Variants in SHF observed in about 807,000 individuals in gnomAD.
SHF encodes the protein Src homology 2 domain containing F, also known as SH2 domain-containing adapter protein F.
Under a neutral mutation model 42.4 loss-of-function variants are expected in SHF, and 30 were observed. The observed-to-expected ratio is 0.71, with a 90% CI of 0.53 to 0.96. The LOEUF is 0.96. SHF is among the 40% of genes least tolerant of loss of function. The pLI is 0.00. For missense variants in SHF, 598 were observed against 634.0 expected (o/e 0.94, Z 0.61); for synonymous variants, 264 against 269.9 (o/e 0.98, Z 0.21).
At chr15:45,171,450 C>T (rs758192087) in intron 6 of SHF, 11 of 182,658 alleles carry the variant, frequency 6.0e-5, no homozygotes, top group Admixed American at 1.6e-4. Flanking sequence ...GACTCCCTCA[C>T]GCAAAGCTCC....
At chr15:45,182,832 A>G (rs1898199120) in intron 1 of SHF, among the ~76,000 whole-genome samples, 1 of 152,162 alleles carries the variant, frequency 6.6e-6, no homozygotes, top group South Asian at 2.1e-4. Context: ...TTTTATACCC[A>G]TTGTTCCTGC....
At chr15:45,194,334 C>G (rs988771478) in intron 2 of SHF, among the ~76,000 whole-genome samples, 1 of 151,876 alleles carries the variant, frequency 6.6e-6, no homozygotes. Flanking sequence ...TTTCAAGAGG[C>G]TCCTGTGTCC....
rs1324211948 is a variant in SHF at position 45,173,728 on chromosome 15, A to G, written c.848-12T>C. On this transcript the variant is annotated splice_polypyrimidine_tract_variant and intron_variant, in intron 3 of 6. Coordinates refer to ENST00000690270, the MANE Select transcript of SHF (RefSeq NM_001394037.1). ...GACCTTAATGTCAACTGGAGCCAGC[A>G]GCAGAAGTGAGAAGAGAGACAGACA... is the stretch of plus-strand genomic sequence containing the variant. 24 of 1,551,724 alleles carry G rather than the reference A, an allele frequency of 1.5e-5. No individual in the cohort carries two copies. In the South Asian group the frequency reaches 2.9e-4, roughly 18 times the overall value.
intron 2 of SHF, among the ~76,000 whole-genome samples, chr15:45,197,360 CAT>C (rs2141454817): frequency 6.6e-6 from 1 of 151,526 alleles, no homozygotes; most frequent in East Asian, 1.9e-4. Flanking sequence ...GGAACACAAA[CAT>C]ATGTTAAGAT....
chr15:45,178,135 G>T, intron 2 of SHF, 30 bp downstream of exon 2: 1 of 1,604,956 alleles, frequency 6.2e-7, no homozygotes, highest in Non-Finnish European at 8.5e-7. Context: ...CCAGGCCTCA[G>T]GGAGCACCTC....
At chr15:45,190,477 C>T (rs16940351), upstream of SHF, among the ~76,000 whole-genome samples, 15,971 of 151,948 alleles carry the variant, frequency 0.11, 872 homozygotes, top group Middle Eastern at 0.22. Flanking sequence ...CTGGAAAGGG[C>T]GTGATAATCA....
intron 4 of SHF, among the ~76,000 whole-genome samples, 179 bp from the exon 5 acceptor site, chr15:45,172,497 A>G (rs879471001): frequency 1.4e-4 from 22 of 152,160 alleles, no homozygotes; most frequent in Admixed American, 2.6e-4. Flanking sequence ...TCCTGGATCT[A>G]TCCCCTGGTG....
At chr15:45,188,974 C>T (rs535192249), upstream of SHF, among the ~76,000 whole-genome samples, 1 of 152,150 alleles carries the variant, frequency 6.6e-6, no homozygotes, top group Admixed American at 6.5e-5. Context: ...GGGAGGATCA[C>T]GAGGTCAGGA....
In SHF at chr15:45,171,896, A is replaced by G; in HGVS notation, c.1267T>C (p.Ser423Pro). The G allele has an allele frequency of 6.2e-7, 1 of 1,613,276 alleles. No homozygotes were observed. The highest frequency in any genetic ancestry group is 1.3e-5 in the African/African-American group (1 of 74,976). The change falls in exon 6 of 7, where the codon TCC (serine) becomes CCC (proline). Residue 423 changes from serine to proline, a missense_variant. Ser to Pro is a moderately conservative substitution (Grantham distance 74, BLOSUM62 -1). This residue lies in a region of SHF where 439 missense variants were observed against 524.6 expected (regional missense o/e 0.84). Transcript: ENST00000690270. ...GTCCCCACTCACTTGAGGGAGAGGG[A>G]GAAGTCATTCTTGCTGGTCTCACTG... ...RNSETSKNDF[S>P]LSLKSSQGFM...
Position 45,187,503 on chromosome 15 carries a change from G to GCCGGGGGCC in SHF, c.440_448dup (p.Gly147_Pro149dup). The GCCGGGGGCC allele has an allele frequency of 8.1e-7, 1 of 1,232,522 alleles. No homozygotes were observed. The highest frequency in any genetic ancestry group is 1.0e-6 in the Non-Finnish European group (1 of 988,112). 76.3% of individuals were successfully genotyped at this position (1,232,522 alleles called of 1,614,324 possible). On this transcript the variant is annotated inframe_insertion, in exon 1 of 7. Coordinates refer to ENST00000690270, the MANE Select transcript of SHF (RefSeq NM_001394037.1). ...GGAGATCCGCTCATCAGCAGGCGGC[G>GCCGGGGGCC]CCGGGGGCCCCGGGGTCTCGACCCG... is the stretch of plus-strand genomic sequence containing the variant.
intron 1 of SHF, among the ~76,000 whole-genome samples, chr15:45,187,246 G>A (rs1205450461): frequency 6.6e-6 from 1 of 152,218 alleles, no homozygotes; most frequent in Non-Finnish European, 1.5e-5. Context: ...AGGGCAGAGG[G>A]GCAGAGTTTG....
chr15:45,198,543 A>G, intron 2 of SHF: 2 of 519,098 alleles, frequency 3.9e-6, no homozygotes, highest in Non-Finnish European at 6.6e-6. Flanking sequence ...TACGATTTAT[A>G]TAAAATGTTA....
In SHF at chr15:45,198,696, A is replaced by G. The variant is rs140922044; in HGVS notation, c.303+76T>C. 541 of 1,521,884 alleles carry G rather than the reference A, an allele frequency of 3.6e-4. No homozygotes were observed. The African/African-American group carries it at 6.8e-3, about 19-fold the overall frequency. The allele number at this position is 1,521,884 out of a possible 1,614,324, so 94.3% of individuals were successfully genotyped here. ...TCACGGCGAGCTACCGGGGACCCGT[A>G]GGGGTTGGCTTCTGATTATCCTCTT... is the stretch of plus-strand genomic sequence containing the variant. On this transcript the variant is annotated intron_variant, in intron 2 of 7. Coordinates refer to the SHF transcript ENST00000290894.
upstream of SHF, among the ~76,000 whole-genome samples, chr15:45,189,541 A>C (rs945977294): frequency 6.6e-6 from 1 of 151,764 alleles, no homozygotes. Context: ...AGCGTGCGCC[A>C]CCACACCTGG....
At position 45,172,303 on chromosome 15, in the gene SHF, G is replaced by A. The variant is rs753066700; in HGVS notation, c.1004C>T (p.Pro335Leu). The change falls in exon 5 of 7, where the codon CCG becomes CTG. Residue 335 changes from proline (P) to leucine (L), a missense_variant. By Grantham distance (98) the Pro-to-Leu change is moderately conservative (BLOSUM62 -3). Coordinates refer to ENST00000690270, the MANE Select transcript of SHF (RefSeq NM_001394037.1). ...LEDSSAQFEG[P>L]EKSCLSPGRE... ...GCCAGGTGACAGGCAGCTCTTCTCCGGTCCTTCAAACTGGGCTGTGGGGAA... is the reference window on the plus strand; with the variant it reads ...GCCAGGTGACAGGCAGCTCTTCTCCAGTCCTTCAAACTGGGCTGTGGGGAA... 4.9e-5 allele frequency: 79 copies of A among 1,605,090 alleles called. 1 individual carries two copies. The South Asian group carries it at 5.4e-4, about 11-fold the overall frequency.
At chr15:45,180,729 C>G (rs983555839) in intron 1 of SHF, among the ~76,000 whole-genome samples, 1 of 152,094 alleles carries the variant, frequency 6.6e-6, no homozygotes, top group Admixed American at 6.5e-5. Flanking sequence ...TGTTAGGTGT[C>G]TCTGTGCTGG....
At chr15:45,174,022 C>A (rs1435827129) in intron 3 of SHF, among the ~76,000 whole-genome samples, 3 of 152,098 alleles carry the variant, frequency 2.0e-5, no homozygotes, top group Non-Finnish European at 2.9e-5. Flanking sequence ...CCTCCAGGGC[C>A]CAAAGGTACC....
Position 45,170,754 on chromosome 15 carries a change from C to T in SHF, c.1280+1129G>A, listed in dbSNP as rs562560003. On this transcript the variant is annotated intron_variant, in intron 6 of 6. Coordinates refer to ENST00000690270, the MANE Select transcript of SHF (RefSeq NM_001394037.1). ...GCAACCTCCGCCTCCTGGGTTCAAGCGATTTTCCTGCCTCAGCCTCCCGAG... is the reference window on the plus strand; with the variant it reads ...GCAACCTCCGCCTCCTGGGTTCAAGTGATTTTCCTGCCTCAGCCTCCCGAG... 36 of 227,662 alleles carry T rather than the reference C, an allele frequency of 1.6e-4. No homozygotes were observed. The East Asian group carries it at 4.5e-3, about 28-fold the overall frequency. 14.1% of individuals were successfully genotyped at this position (227,662 alleles called of 1,614,324 possible).
At chr15:45,198,881 G>A (rs1567043655) in exon 2 of SHF, 4 of 1,614,066 alleles carry the variant, frequency 2.5e-6, no homozygotes, top group South Asian at 2.2e-5. Context: ...CTGTGGTGAT[G>A]ATGAGATGGG....
Sources: gnomAD v4.1 joint callset for allele counts (sites outside exome capture counted in the v4.1 genomes callset) on GRCh38, gnomAD v4.1.1 for gene constraint, gnomAD v4.1.1 regional missense constraint, MANE v1.5 for transcripts, NCBI Gene and HGNC (gene_info 2026-07-23, HGNC 2026-07-21) for gene names.